Variants in SEC14L3 observed in about 807,000 individuals in gnomAD.
SEC14L3 encodes the protein SEC14 like lipid binding 3, also known as SEC14-like protein 3.
SEC14L3 carries 56 observed loss-of-function variants against 57.4 expected under a neutral mutation model. The observed-to-expected ratio is 0.97, with a 90% CI of 0.79 to 1.22. The LOEUF is 1.22. SEC14L3 is among the 50% of genes most tolerant of loss of function. SEC14L3 has a pLI of 0.00. For missense variants in SEC14L3, 485 were observed against 511.7 expected (o/e 0.95, Z 0.50); for synonymous variants, 173 against 194.4 (o/e 0.89, Z 0.92).
chr22:30,449,599 C>G (rs1219163672), intron 12 of SEC14L3, among the ~76,000 whole-genome samples: 1 of 147,086 alleles, frequency 6.8e-6, no homozygotes, highest in African/African-American at 2.5e-5. Flanking sequence ...GAGTCTTGCT[C>G]TGTCGCCCAG....
chr22:30,468,628 G>A lies in SEC14L3; in HGVS notation c.303C>T (p.Asp101=), dbSNP rs555500557. ...YDRDGCPVWY[D]IIGPLDPKGL... The stretch of plus-strand genomic sequence containing the variant: ...CCTTGGGATCAAGTGGCCCAATGAT[G>A]TCATACCACACGGGGCAGCCATCAC... The change falls in exon 5 of 12, where the codon GAC becomes GAT. Residue 101 remains aspartate (D), a synonymous_variant. Coordinates refer to ENST00000215812, the MANE Select transcript of SEC14L3 (RefSeq NM_174975.5). 1.0e-4 allele frequency: 163 copies of A among 1,613,920 alleles called. No homozygotes were observed. The East Asian group carries it at 2.4e-3, about 24-fold the overall frequency.
chr22:30,454,233 T>A (rs1327332692), downstream of SEC14L3, among the ~76,000 whole-genome samples: 2 of 152,006 alleles, frequency 1.3e-5, no homozygotes, highest in Non-Finnish European at 2.9e-5. Context: ...TTGCTGCTCC[T>A]GTGACCCTGA....
chr22:30,467,110 G>T, intron 5 of SEC14L3, 33 bp from the exon 6 acceptor site: 1 of 1,613,362 alleles, frequency 6.2e-7, no homozygotes, highest in South Asian at 1.1e-5. Context: ...TAGTTCTGGA[G>T]TTCAGGGTGT....
intron 8 of SEC14L3, 87 bp from the exon 9 acceptor site, chr22:30,462,279 G>A: frequency 1.3e-6 from 2 of 1,494,658 alleles, no homozygotes; most frequent in South Asian, 2.7e-5. Context: ...CTGAACTGGG[G>A]GAGAAGCCCT....
intron 7 of SEC14L3, among the ~76,000 whole-genome samples, chr22:30,465,792 C>G (rs1935398601): frequency 6.6e-6 from 1 of 152,354 alleles, no homozygotes; most frequent in East Asian, 1.9e-4. Flanking sequence ...GCTGAACAAC[C>G]AATCAAGCAA....
chr22:30,463,414 G>A (rs1449399902), intron 8 of SEC14L3, among the ~76,000 whole-genome samples: 1 of 152,210 alleles, frequency 6.6e-6, no homozygotes, highest in African/African-American at 2.4e-5. Flanking sequence ...AGACCACAAT[G>A]TGCCACATAC....
intron 1 of SEC14L3, 92 bp from the exon 2 acceptor site, chr22:30,470,674 C>T (rs1935578416): frequency 6.3e-7 from 1 of 1,578,950 alleles, no homozygotes; most frequent in South Asian, 1.2e-5. Context: ...TCCTTTCCTC[C>T]CACATGCAAA....
chr22:30,469,829 C>T (rs545437572), intron 4 of SEC14L3, among the ~76,000 whole-genome samples, 190 bp downstream of exon 4: 2 of 152,226 alleles, frequency 1.3e-5, no homozygotes, highest in South Asian at 2.1e-4. Flanking sequence ...GAAGCTCATG[C>T]TGCTAACATC....
chr22:30,455,927 C>A (rs956088459), downstream of SEC14L3, among the ~76,000 whole-genome samples: 2 of 152,190 alleles, frequency 1.3e-5, no homozygotes, highest in African/African-American at 4.8e-5. Context: ...CAATGGGGGG[C>A]CTGCAGGCCT....
At position 30,469,455 on chromosome 22, in the gene SEC14L3, C is replaced by A. The variant is rs117074635; in HGVS notation, c.234+564G>T. Among the ~76,000 whole-genome samples the A allele has an allele frequency of 4.6e-5, 7 of 152,308 alleles. No individual in the cohort carries two copies. The East Asian group carries it at 1.2e-3, about 25-fold the overall frequency. The stretch of plus-strand genomic sequence containing the variant: ...CACTCTTGGGACTGTTGGGGAAAGT[C>A]CCTGAGATAAAGTTGGCAAAGCAGA... On this transcript the variant is annotated intron_variant, in intron 4 of 11. Transcript: ENST00000215812.
intron 11 of SEC14L3, among the ~76,000 whole-genome samples, chr22:30,460,958 G>A (rs1315241883): frequency 6.6e-6 from 1 of 152,112 alleles, no homozygotes. Context: ...CCTGAGGCTC[G>A]GGTGGGACCC....
At chr22:30,464,725 C>T in intron 8 of SEC14L3, 95 bp downstream of exon 8, 1 of 1,161,018 alleles carries the variant, frequency 8.6e-7, no homozygotes, top group Admixed American at 1.7e-5. Flanking sequence ...GCCACTGCAC[C>T]CAACCTAATG....
At chr22:30,461,886 T>C (rs1480236641) in intron 9 of SEC14L3, 192 bp from the exon 10 acceptor site, 2 of 471,808 alleles carry the variant, frequency 4.2e-6, no homozygotes, top group Non-Finnish European at 5.5e-6. Context: ...TCCCAGCTCA[T>C]CCCTCTGGGT....
At chr22:30,449,307 C>T in intron 12 of SEC14L3, 4 of 1,542,572 alleles carry the variant, frequency 2.6e-6, no homozygotes, top group Non-Finnish European at 3.5e-6. Context: ...ATCCTGAACT[C>T]CAGAGGGTCA....
chr22:30,470,351 G>T lies in SEC14L3; in HGVS notation c.131-96C>A, dbSNP rs926434775. ...TGGAGGACACTGGGGGCCTGGGTGA[G>T]ACCTTGCTCCCCTACCCCCTTCCCT... On this transcript the variant is annotated intron_variant, in intron 2 of 11. Transcript: ENST00000215812. The T allele has an allele frequency of 5.7e-6, 9 of 1,589,114 alleles. No individual in the cohort carries two copies. In the African/African-American group the frequency reaches 1.1e-4, roughly 19 times the overall value.
At chr22:30,460,163 G>T (rs374115729) in intron 11 of SEC14L3, 21 bp from the exon 12 acceptor site, 53 of 1,612,680 alleles carry the variant, frequency 3.3e-5, no homozygotes, top group Non-Finnish European at 4.4e-5. Context: ...GATGGAAAGA[G>T]GGGCATTGGG....
At chr22:30,454,836 AT>A (rs1386017897), downstream of SEC14L3, among the ~76,000 whole-genome samples, 16 of 9,596 alleles carry the variant, frequency 1.7e-3, no homozygotes, top group South Asian at 9.3e-3. Flanking sequence ...ATAATATATA[AT>A]AATATATAAT....
At chr22:30,448,043 A>T (rs1376443361) in exon 13 of SEC14L3, 2 of 150,172 alleles carry the variant, frequency 1.3e-5, no homozygotes, top group African/African-American at 4.9e-5. Context: ...CCCTTGGGAG[A>T]GGGGGTGGTG....
chr22:30,471,238 T>C (rs1210404425), intron 1 of SEC14L3: 1 of 448,510 alleles, frequency 2.2e-6, no homozygotes. Context: ...TGAGCTGAGA[T>C]CGCTCCACAG....
Sources: gnomAD v4.1 joint callset for allele counts (sites outside exome capture counted in the v4.1 genomes callset) on GRCh38, gnomAD v4.1.1 for gene constraint, MANE v1.5 for transcripts, NCBI Gene and HGNC (gene_info 2026-07-23, HGNC 2026-07-21) for gene names.